Variants in GRHL2 observed in about 807,000 individuals in gnomAD.
GRHL2 encodes the protein grainyhead-like protein 2 homolog.
A neutral mutation model predicts 83.8 loss-of-function variants in GRHL2; 21 were observed. The ratio of observed to expected loss-of-function variants is 0.25; its 90% confidence interval spans 0.18 to 0.36. The LOEUF (loss-of-function observed/expected upper bound fraction) is 0.36. Ranked by LOEUF, GRHL2 falls within the 10% of genes least tolerant of loss-of-function variation. The pLI is 1.00. For missense variants in GRHL2, 623 were observed against 781.8 expected, an observed-to-expected ratio of 0.80 and a Z score of 2.42; for synonymous variants, 280 against 278.9, an observed-to-expected ratio of 1.00 and a Z score of -0.04.
intron 1 of GRHL2, among the ~76,000 whole-genome samples, chr8:101,542,325 T>C (rs1811170520): frequency 6.6e-6 from 1 of 152,050 alleles, no homozygotes; most frequent in Admixed American, 6.6e-5. Flanking sequence ...CCTGTAATCC[T>C]TGCACTCTGG....
intron 14 of GRHL2, among the ~76,000 whole-genome samples, chr8:101,661,486 C>T (rs997567091): frequency 6.6e-6 from 1 of 152,178 alleles, no homozygotes; most frequent in Non-Finnish European, 1.5e-5. Flanking sequence ...GTAACACACA[C>T]ACATCCTCCC....
At chr8:101,664,408 G>A in intron 14 of GRHL2, 46 bp from the exon 15 acceptor site, 2 of 1,422,622 alleles carry the variant, frequency 1.4e-6, no homozygotes, top group South Asian at 2.3e-5. Context: ...GCCTCCAGTT[G>A]GGCGTCCTTC....
intron 8 of GRHL2, among the ~76,000 whole-genome samples, chr8:101,602,233 C>T (rs1812531632): frequency 1.3e-5 from 2 of 152,208 alleles, no homozygotes; most frequent in African/African-American, 4.8e-5. Flanking sequence ...AAGCAGACTA[C>T]AAAAGGCAAA....
chr8:101,667,113 A>G lies in GRHL2; in HGVS notation c.*410A>G, dbSNP rs16868177. 12,016 of 268,750 alleles carry G rather than the reference A, an allele frequency of 0.045. 326 individuals carry two copies. The highest frequency in any genetic ancestry group is 0.11 in the Middle Eastern group (82 of 738). 16.6% of individuals were successfully genotyped at this position (268,750 alleles called of 1,614,324 possible). ...CCTTCTCTCTCACCCCTCCATATCT[A>G]TCTCCCGAGTGGCTGGACAAAATGA... On this transcript the variant is annotated 3_prime_UTR_variant, in exon 16 of 16. Coordinates refer to ENST00000646743, the MANE Select transcript of GRHL2 (RefSeq NM_024915.4).
intron 14 of GRHL2, among the ~76,000 whole-genome samples, chr8:101,662,325 T>C (rs546257370): frequency 6.6e-6 from 1 of 152,340 alleles, no homozygotes; most frequent in South Asian, 2.1e-4. Flanking sequence ...TCAGGCCCGC[T>C]ACTTGGTCCC....
downstream of GRHL2, among the ~76,000 whole-genome samples, chr8:101,672,353 C>G (rs1176605608): frequency 3.3e-5 from 5 of 151,466 alleles, no homozygotes; most frequent in African/African-American, 2.4e-5. Context: ...GCAGAGAAGT[C>G]CTTAAAGGAG....
intron 1 of GRHL2, among the ~76,000 whole-genome samples, chr8:101,509,138 C>T (rs1268133841): frequency 6.8e-5 from 5 of 73,062 alleles, no homozygotes; most frequent in Non-Finnish European, 1.1e-4. Flanking sequence ...TCCTTCCTTC[C>T]TTCCTTCCTT....
At chr8:101,612,836 G>T (rs147759829) in intron 8 of GRHL2, among the ~76,000 whole-genome samples, 1 of 150,878 alleles carries the variant, frequency 6.6e-6, no homozygotes, top group Admixed American at 6.6e-5. Flanking sequence ...CTTGAGGAAG[G>T]CAAGTACCCT....
intron 9 of GRHL2, among the ~76,000 whole-genome samples, chr8:101,620,534 C>T (rs191928997): frequency 1.5e-3 from 230 of 152,264 alleles, no homozygotes; most frequent in Non-Finnish European, 2.3e-3. Context: ...CTTTGAATCT[C>T]CCTGAATCCC....
chr8:101,601,187 CA>C (rs1420726605), intron 8 of GRHL2, among the ~76,000 whole-genome samples: 3 of 150,734 alleles, frequency 2.0e-5, no homozygotes, highest in Non-Finnish European at 4.4e-5. Context: ...CACACACACA[CA>C]CCCCACCACC....
At chr8:101,494,952 A>G (rs1248286426) in intron 1 of GRHL2, among the ~76,000 whole-genome samples, 1 of 152,212 alleles carries the variant, frequency 6.6e-6, no homozygotes, top group Non-Finnish European at 1.5e-5. Context: ...GTGCAAGGAG[A>G]TAATTCAACT....
rs571472059 is a variant in GRHL2 at position 101,644,393 on chromosome 8, T to C, written c.1612+168T>C. On this transcript the variant is annotated intron_variant, in intron 13 of 15. Transcript: ENST00000646743. ...CTTCTTTGCTTTAAACTCTGTCCTT[T>C]CAACACCTTAAGAAAACATTTGTCA... is the stretch of plus-strand genomic sequence containing the variant. Among the ~76,000 whole-genome samples the C allele has an allele frequency of 3.9e-5, 6 of 152,320 alleles. No homozygotes were observed. The South Asian group carries it at 1.2e-3, about 32-fold the overall frequency.
At chr8:101,632,056 C>T (rs999145719) in intron 10 of GRHL2, among the ~76,000 whole-genome samples, 170 bp from the exon 11 acceptor site, 8 of 152,122 alleles carry the variant, frequency 5.3e-5, no homozygotes, top group African/African-American at 7.2e-5. Context: ...TTGAAGTCTA[C>T]GCTCCTGTTT....
chr8:101,676,294 T>A, the GRHL2 span, among the ~76,000 whole-genome samples: 10 of 150,554 alleles, frequency 6.6e-5, no homozygotes, highest in Non-Finnish European at 1.3e-4. Context: ...TGGGAGAAAA[T>A]TTTTGCAACC....
chr8:101,664,583 TA>T (rs1814003928), intron 15 of GRHL2, 65 bp downstream of exon 15: 1 of 1,151,632 alleles, frequency 8.7e-7, no homozygotes, highest in Non-Finnish European at 1.3e-6. Context: ...GCCTTAAAAA[TA>T]AAATGATGCC....
At chr8:101,677,221 T>TAATAAC in the GRHL2 span, among the ~76,000 whole-genome samples, 1 of 151,338 alleles carries the variant, frequency 6.6e-6, no homozygotes, top group Non-Finnish European at 1.5e-5. Flanking sequence ...ACAATAATAA[T>TAATAAC]AATAAAAATA....
chr8:101,558,863 C>T lies in GRHL2; in HGVS notation c.678+51C>T, dbSNP rs1467832121. 5 of 1,588,570 alleles carry T rather than the reference C, an allele frequency of 3.1e-6. No homozygotes were observed. The Admixed American group carries it at 7.0e-5, about 22-fold the overall frequency. On this transcript the variant is annotated intron_variant, in intron 4 of 15. Transcript: ENST00000646743. The stretch of plus-strand genomic sequence containing the variant: ...CAGAACCCAAACCCAGAGCCCCTAG[C>T]TAATTTTTTTCTATTTCCTTTCAAA...
chr8:101,673,161 C>T (rs1426016602), downstream of GRHL2, among the ~76,000 whole-genome samples: 2 of 150,980 alleles, frequency 1.3e-5, no homozygotes, highest in African/African-American at 2.4e-5. Flanking sequence ...AGCAAAATAA[C>T]CAGCTAACAT....
chr8:101,612,520 G>GATAGATAGATAGATAGATACATACATAC (rs371662487), intron 8 of GRHL2, among the ~76,000 whole-genome samples: 1 of 123,678 alleles, frequency 8.1e-6, no homozygotes, highest in Non-Finnish European at 1.7e-5. Context: ...TAGATAGATA[G>GATAGATAGATAGATAGATACATACATAC]ATACATACAT....
Sources: allele counts gnomAD v4.1 joint callset (sites outside exome capture counted in the v4.1 genomes callset), GRCh38; gene constraint gnomAD v4.1.1; transcripts MANE v1.5; gene names NCBI Gene and HGNC (gene_info 2026-07-23, HGNC 2026-07-21).